Variants in KIAA1217 observed in about 807,000 individuals in gnomAD.
The protein encoded by KIAA1217 is KIAA1217, also known as sickle tail protein homolog.
In KIAA1217, 88 loss-of-function variants were observed where a neutral mutation model predicts 163.9. The observed-to-expected ratio is 0.54, with a 90% confidence interval of 0.45 to 0.64. The LOEUF is 0.64. KIAA1217 is among the 30% of genes least tolerant of loss of function. The pLI, the probability that KIAA1217 is intolerant of heterozygous loss-of-function variation, is 0.00. For missense variants in KIAA1217, 2,372 were observed against 2,475.0 expected (o/e 0.96, Z 0.88); for synonymous variants, 903 against 923.1 (o/e 0.98, Z 0.39).
At chr10:24,116,109 A>T (rs1369831320) in intron 2 of KIAA1217, among the ~76,000 whole-genome samples, 2 of 151,998 alleles carry the variant, frequency 1.3e-5, no homozygotes, top group African/African-American at 4.8e-5. Flanking sequence ...CAACACTCTT[A>T]CATCACCTGA....
chr10:24,500,336 T>C (rs1159071415), intron 8 of KIAA1217, among the ~76,000 whole-genome samples: 1 of 151,340 alleles, frequency 6.6e-6, no homozygotes. Context: ...TGCATGCGTG[T>C]GTGTGTGTGC....
In KIAA1217 at chr10:24,457,375, G is replaced by A. The variant is rs549461733; in HGVS notation, c.847-15853G>A. 3.0e-5 allele frequency among the ~76,000 whole-genome samples: 4 copies of A among 132,866 alleles called. No homozygotes were observed. The East Asian group carries it at 1.0e-3, about 34-fold the overall frequency. The allele number at this position is 132,866 out of a possible 152,430, so 87.2% of individuals were successfully genotyped here. A position where few individuals can be genotyped will look rare whatever the true frequency, so the allele number is the denominator to read the frequency against. ...GTGTGTGTGTGTGTATGTGTGTGTG[G>A]GTGGCGGGGTTTGGGGGGAACAGGA... is the stretch of plus-strand genomic sequence containing the variant. On this transcript the variant is annotated intron_variant, in intron 5 of 20. Transcript: ENST00000376454.
intron 2 of KIAA1217, among the ~76,000 whole-genome samples, chr10:24,348,442 A>C (rs1223074011): frequency 1.3e-5 from 2 of 152,188 alleles, no homozygotes; most frequent in African/African-American, 4.8e-5. Context: ...TAATACAACT[A>C]TATATTAAAT....
intron 2 of KIAA1217, among the ~76,000 whole-genome samples, chr10:24,353,897 T>C (rs943146021): frequency 6.6e-6 from 1 of 152,190 alleles, no homozygotes; most frequent in Admixed American, 6.5e-5. Context: ...TGACTAGATA[T>C]GAAAAATGAC....
At chr10:23,973,339 T>A (rs1191193540) in intron 1 of KIAA1217, among the ~76,000 whole-genome samples, 2 of 152,246 alleles carry the variant, frequency 1.3e-5, no homozygotes, top group Non-Finnish European at 2.9e-5. Flanking sequence ...TCTATTATTG[T>A]GTTTGATTTT....
intron 2 of KIAA1217, among the ~76,000 whole-genome samples, chr10:24,351,477 G>A (rs892592106): frequency 6.6e-6 from 1 of 152,148 alleles, no homozygotes; most frequent in Non-Finnish European, 1.5e-5. Flanking sequence ...ATATAGCTGT[G>A]TTACATGCTG....
chr10:24,248,670 C>CAAAAAAAA (rs929995548), intron 2 of KIAA1217, among the ~76,000 whole-genome samples: 1 of 36,460 alleles, frequency 2.7e-5, no homozygotes, highest in African/African-American at 1.1e-4. Context: ...GACTCCATCT[C>CAAAAAAAA]AAAAAAAAAA....
chr10:24,105,795 T>C (rs947814612), intron 2 of KIAA1217, among the ~76,000 whole-genome samples: 1 of 152,214 alleles, frequency 6.6e-6, no homozygotes, highest in Non-Finnish European at 1.5e-5. Flanking sequence ...TCATGGGGCT[T>C]TCGGCCTAGA....
intron 1 of KIAA1217, among the ~76,000 whole-genome samples, chr10:23,737,942 C>A (rs1838903398): frequency 6.6e-6 from 1 of 151,892 alleles, no homozygotes; most frequent in Non-Finnish European, 1.5e-5. Context: ...AAGACTTTTT[C>A]ATCTTGTAGC....
intron 1 of KIAA1217, among the ~76,000 whole-genome samples, chr10:23,704,920 T>C (rs1577528): frequency 0.18 from 27,415 of 152,096 alleles, 4,808 homozygotes; most frequent in African/African-American, 0.45. Context: ...ACATTCTTGC[T>C]GTCAATATGA....
chr10:24,401,201 ATAT>A (rs905035369), intron 3 of KIAA1217, among the ~76,000 whole-genome samples: 35 of 151,732 alleles, frequency 2.3e-4, no homozygotes, highest in African/African-American at 8.2e-4. Flanking sequence ...ATATATATAT[ATAT>A]TTTTATCCAG....
chr10:24,017,035 T>C (rs534228347), intron 2 of KIAA1217, among the ~76,000 whole-genome samples: 1 of 98,324 alleles, frequency 1.0e-5, no homozygotes, highest in Non-Finnish European at 2.2e-5. Context: ...TTAGTTAGTT[T>C]TTTTGTTTTT....
At position 23,749,759 on chromosome 10, in the gene KIAA1217, C is replaced by G. The variant is rs371151123; in HGVS notation, c.-321+54525C>G. On this transcript the variant is annotated intron_variant, in intron 1 of 18. Coordinates refer to the KIAA1217 transcript ENST00000376462. Reference sequence around the variant, plus strand: ...TTTCTACCTGTGATTTCTGTCTTTCCTTGGGCTTAAGTAATAATTTGCATA... The same window carrying G: ...TTTCTACCTGTGATTTCTGTCTTTCGTTGGGCTTAAGTAATAATTTGCATA... Among the ~76,000 whole-genome samples, 433 of 152,186 alleles carry G rather than the reference C, an allele frequency of 2.8e-3. 4 individuals are homozygous for G. Among genetic ancestry groups the G allele is most frequent in the African/African-American group, 0.01 (419 of 41,524 alleles).
chr10:24,491,873 G>A (rs1156740754), intron 6 of KIAA1217, among the ~76,000 whole-genome samples: 2 of 151,716 alleles, frequency 1.3e-5, no homozygotes, highest in Non-Finnish European at 2.9e-5. Flanking sequence ...CAGCTGTACA[G>A]AACCCTTTAA....
At chr10:24,218,194 C>CT (rs1468243164) in intron 1 of KIAA1217, among the ~76,000 whole-genome samples, 2 of 152,048 alleles carry the variant, frequency 1.3e-5, no homozygotes, top group Non-Finnish European at 2.9e-5. Context: ...AAAAGTAACT[C>CT]TTTTTTCTGA....
At chr10:24,287,656 T>C (rs1341376396) in intron 2 of KIAA1217, among the ~76,000 whole-genome samples, 2 of 152,210 alleles carry the variant, frequency 1.3e-5, no homozygotes, top group African/African-American at 4.8e-5. Context: ...AATTAGTTAA[T>C]AAGATTTTTT....
At chr10:24,276,008 C>T (rs2077247683) in intron 2 of KIAA1217, among the ~76,000 whole-genome samples, 1 of 152,126 alleles carries the variant, frequency 6.6e-6, no homozygotes, top group Non-Finnish European at 1.5e-5. Flanking sequence ...TCCTCACTGA[C>T]CATTTCTTTT....
chr10:23,786,538 C>CAAAAA (rs4019609), intron 1 of KIAA1217, among the ~76,000 whole-genome samples: 2,236 of 126,806 alleles, frequency 0.018, 63 homozygotes, highest in African/African-American at 0.061. Flanking sequence ...CAGAAGTAGC[C>CAAAAA]AAAAAAAAAA....
intron 1 of KIAA1217, among the ~76,000 whole-genome samples, chr10:23,969,971 G>A (rs1354915458): frequency 6.6e-6 from 1 of 152,084 alleles, no homozygotes; most frequent in African/African-American, 2.4e-5. Flanking sequence ...AGGGGTTTTT[G>A]CCCTTATAAA....
Sources: allele counts gnomAD v4.1 joint callset (sites outside exome capture counted in the v4.1 genomes callset), GRCh38; gene constraint gnomAD v4.1.1; transcripts MANE v1.5; gene names NCBI Gene and HGNC (gene_info 2026-07-23, HGNC 2026-07-21).